Variants in PRKG1 observed in about 807,000 individuals in gnomAD.
The protein encoded by PRKG1 is cGMP-dependent protein kinase 1.
PRKG1 carries 35 observed loss-of-function variants against 88.1 expected under a neutral mutation model. That is an observed-to-expected ratio of 0.40 (90% CI 0.30 to 0.53). The LOEUF (loss-of-function observed/expected upper bound fraction) is 0.53. PRKG1 is among the 20% of genes least tolerant of loss of function. The pLI, the probability that PRKG1 is intolerant of heterozygous loss-of-function variation, is 0.59. For synonymous variants in PRKG1, 303 were observed against 292.5 expected, an observed-to-expected ratio of 1.04 and a Z score of -0.37; for missense variants, 540 against 839.8, an observed-to-expected ratio of 0.64 and a Z score of 4.41.
At chr10:51,525,795 T>C (rs1841868466) in intron 3 of PRKG1, among the ~76,000 whole-genome samples, 1 of 151,074 alleles carries the variant, frequency 6.6e-6, no homozygotes, top group South Asian at 2.1e-4. Flanking sequence ...TTTAAAAATG[T>C]ACTATCCAAG....
chr10:51,412,754 G>T (rs1025376194), intron 2 of PRKG1, among the ~76,000 whole-genome samples: 1 of 152,118 alleles, frequency 6.6e-6, no homozygotes, highest in African/African-American at 2.4e-5. Flanking sequence ...ACTGAGAAAC[G>T]GCTGAGGTAG....
chr10:52,260,447 A>G (rs1394015807), intron 10 of PRKG1, among the ~76,000 whole-genome samples: 1 of 152,148 alleles, frequency 6.6e-6, no homozygotes, highest in African/African-American at 2.4e-5. Context: ...ATTTCACAGT[A>G]TGTGATCCTC....
At chr10:51,197,879 A>T (rs1471426678) in intron 2 of PRKG1, among the ~76,000 whole-genome samples, 2 of 151,308 alleles carry the variant, frequency 1.3e-5, no homozygotes, top group Admixed American at 1.3e-4. Flanking sequence ...TTACTTTTGC[A>T]CCACCCTAAT....
intron 1 of PRKG1, among the ~76,000 whole-genome samples, chr10:51,150,091 T>A (rs375184056): frequency 1.3e-5 from 2 of 151,862 alleles, no homozygotes; most frequent in African/African-American, 4.8e-5. Context: ...TAGTAAAGAT[T>A]AAAAAAAATC....
At chr10:51,504,796 G>A (rs1428304390) in intron 3 of PRKG1, among the ~76,000 whole-genome samples, 1 of 152,138 alleles carries the variant, frequency 6.6e-6, no homozygotes, top group East Asian at 1.9e-4. Flanking sequence ...GTATAAGAAT[G>A]CTTGTGATTT....
chr10:52,286,369 G>A (rs561143423), intron 14 of PRKG1, among the ~76,000 whole-genome samples: 1 of 152,020 alleles, frequency 6.6e-6, no homozygotes, highest in African/African-American at 2.4e-5. Flanking sequence ...ATTCAAACAC[G>A]ACATATAAAG....
intron 4 of PRKG1, among the ~76,000 whole-genome samples, chr10:51,877,709 C>T (rs943249069): frequency 3.0e-4 from 45 of 152,174 alleles, no homozygotes; most frequent in African/African-American, 9.4e-4. Context: ...AAGATTACAC[C>T]AAGAGGATTT....
chr10:52,089,899 C>T (rs1375840175), intron 7 of PRKG1, among the ~76,000 whole-genome samples: 1 of 145,328 alleles, frequency 6.9e-6, no homozygotes, highest in African/African-American at 2.6e-5. Flanking sequence ...ACTGCAACCT[C>T]TGCCTGCCAC....
intron 4 of PRKG1, among the ~76,000 whole-genome samples, chr10:51,817,819 G>C (rs1028883690): frequency 2.4e-4 from 36 of 152,074 alleles, no homozygotes; most frequent in Admixed American, 1.8e-3. Flanking sequence ...TATTCTAAAT[G>C]ACATTAACTT....
At chr10:51,665,683 T>A (rs1168972411) in intron 3 of PRKG1, among the ~76,000 whole-genome samples, 3 of 152,112 alleles carry the variant, frequency 2.0e-5, no homozygotes, top group African/African-American at 7.2e-5. Context: ...TTTTTATTTT[T>A]TTTTTGTCTT....
chr10:51,173,287 T>G (rs962668202), intron 2 of PRKG1, among the ~76,000 whole-genome samples: 5 of 152,018 alleles, frequency 3.3e-5, no homozygotes, highest in African/African-American at 9.7e-5. Flanking sequence ...ACATTTAGTT[T>G]GTTAAGGTTT....
At chr10:51,864,184 G>A (rs1202176147) in intron 4 of PRKG1, among the ~76,000 whole-genome samples, 1 of 152,160 alleles carries the variant, frequency 6.6e-6, no homozygotes, top group Non-Finnish European at 1.5e-5. Flanking sequence ...CTACTAACTG[G>A]TTGAGTTGGC....
At chr10:51,204,343 A>T (rs1459372568) in intron 2 of PRKG1, among the ~76,000 whole-genome samples, 1 of 150,516 alleles carries the variant, frequency 6.6e-6, no homozygotes, top group African/African-American at 2.5e-5. Flanking sequence ...GGAACAGCTT[A>T]TTTAGATTAT....
intron 1 of PRKG1, among the ~76,000 whole-genome samples, chr10:51,056,697 TAA>T (rs934805369): frequency 2.0e-4 from 30 of 152,308 alleles, no homozygotes; most frequent in Admixed American, 1.4e-3. Flanking sequence ...ATTACCAAGT[TAA>T]TGTAGTCTAC....
Position 51,288,865 on chromosome 10 carries a change from A to G in PRKG1, c.478+135535A>G, listed in dbSNP as rs140390698. 7.4e-3 allele frequency among the ~76,000 whole-genome samples: 1,131 copies of G among 152,172 alleles called. 10 individuals carry two copies. The highest frequency in any genetic ancestry group is 0.026 in the African/African-American group (1,065 of 41,522). ...TGCCTTTAGTTTTATTTAGAAGTAG[A>G]TTTTTTTACTTCAGCACTAATTTCT... On this transcript the variant is annotated intron_variant, in intron 2 of 17. Coordinates refer to ENST00000373980, the MANE Select transcript of PRKG1 (RefSeq NM_006258.4).
intron 1 of PRKG1, among the ~76,000 whole-genome samples, chr10:51,102,662 T>C (rs1347975282): frequency 6.6e-6 from 1 of 152,148 alleles, no homozygotes; most frequent in Admixed American, 6.5e-5. Flanking sequence ...GTTTTGACAT[T>C]GAGAGTCCAC....
rs528697911 is a variant in PRKG1 at position 51,495,501 on chromosome 10, A to C, written c.592+27665A>C. Among the ~76,000 whole-genome samples, 16 of 152,350 alleles carry C rather than the reference A, an allele frequency of 1.1e-4. 1 individual carries two copies. The highest frequency in any genetic ancestry group is 6.5e-4 in the Admixed American group (10 of 15,304). On this transcript the variant is annotated intron_variant, in intron 3 of 17. Transcript: ENST00000373980. ...AATTAATAAGGAAAGATATCATTCCATATAGCGCAAGAACTTCAAGGAAAG... is the reference window on the plus strand; with the variant it reads ...AATTAATAAGGAAAGATATCATTCCCTATAGCGCAAGAACTTCAAGGAAAG...
chr10:51,686,535 T>C (rs941353440), intron 3 of PRKG1, among the ~76,000 whole-genome samples: 3 of 152,178 alleles, frequency 2.0e-5, no homozygotes, highest in Non-Finnish European at 4.4e-5. Flanking sequence ...TCTAAAAACA[T>C]GTTTATCTGA....
At chr10:52,057,918 C>T (rs1400861665) in intron 6 of PRKG1, among the ~76,000 whole-genome samples, 1 of 151,774 alleles carries the variant, frequency 6.6e-6, no homozygotes, top group Non-Finnish European at 1.5e-5. Flanking sequence ...TAAAGATATA[C>T]ATTATTACCA....
Sources: allele counts gnomAD v4.1 joint callset (sites outside exome capture counted in the v4.1 genomes callset), GRCh38; gene constraint gnomAD v4.1.1; transcripts MANE v1.5; gene names NCBI Gene and HGNC (gene_info 2026-07-23, HGNC 2026-07-21).